CDH12: variants seen among roughly 807,000 people sequenced by gnomAD.
CDH12 encodes cadherin-12.
In CDH12, 41 loss-of-function variants were observed where a neutral mutation model predicts 74.1. The ratio of observed to expected loss-of-function variants is 0.55; its 90% CI spans 0.43 to 0.72. CDH12 has a LOEUF of 0.72. Ranked by LOEUF, CDH12 falls within the 30% of genes least tolerant of loss-of-function variation. The pLI, the probability that CDH12 is intolerant of heterozygous loss-of-function variation, is 0.00. For missense variants in CDH12, 945 were observed against 977.2 expected (o/e 0.97, Z 0.44); for synonymous variants, 399 against 355.0 (o/e 1.12, Z -1.39).
At chr5:21,909,505 G>A (rs765048684) in intron 6 of CDH12, among the ~76,000 whole-genome samples, 33 of 151,886 alleles carry the variant, frequency 2.2e-4, no homozygotes, top group Non-Finnish European at 3.2e-4. Context: ...TTACAATTAG[G>A]ATTAAAAAAA....
intron 10 of CDH12, among the ~76,000 whole-genome samples, chr5:21,789,681 T>C (rs1746386396): frequency 6.6e-6 from 1 of 152,186 alleles, no homozygotes; most frequent in Non-Finnish European, 1.5e-5. Flanking sequence ...TTTCAAAGCT[T>C]TTCTTTACTT....
chr5:22,727,912 T>C (rs1488470614), intron 1 of CDH12, among the ~76,000 whole-genome samples: 1 of 151,772 alleles, frequency 6.6e-6, no homozygotes, highest in Non-Finnish European at 1.5e-5. Flanking sequence ...TGTTTAGCTG[T>C]GAATTTCCTT....
chr5:21,846,303 C>T (rs1027207736), intron 7 of CDH12, among the ~76,000 whole-genome samples: 1 of 152,118 alleles, frequency 6.6e-6, no homozygotes, highest in Non-Finnish European at 1.5e-5. Flanking sequence ...GAAACCCATT[C>T]GGGTGCCCTC....
Position 22,312,826 on chromosome 5 carries a change from T to G in CDH12, c.-333+92431A>C, listed in dbSNP as rs532836838. On this transcript the variant is annotated intron_variant, in intron 3 of 14. Transcript: ENST00000382254. ...GTTTCTTCTCTTTACATCAGATGTA[T>G]GGACATGAATTGGAGAGTTCCACAC... 3.3e-5 allele frequency among the ~76,000 whole-genome samples: 5 copies of G among 152,314 alleles called. No individual in the cohort carries two copies. In the South Asian group the frequency reaches 8.3e-4, roughly 25 times the overall value.
chr5:22,049,005 A>G (rs1056682432), intron 5 of CDH12, among the ~76,000 whole-genome samples: 1 of 152,138 alleles, frequency 6.6e-6, no homozygotes, highest in Non-Finnish European at 1.5e-5. Context: ...TATACATTAT[A>G]AAGTATATAA....
chr5:22,592,087 G>A (rs1051003091), intron 1 of CDH12, among the ~76,000 whole-genome samples: 5 of 152,106 alleles, frequency 3.3e-5, no homozygotes, highest in Admixed American at 6.5e-5. Context: ...TTCACTTCTT[G>A]GATTCTGCAA....
intron 4 of CDH12, among the ~76,000 whole-genome samples, chr5:22,154,483 G>GTACACATATATATGTACACATATA (rs1747876682): frequency 1.5e-3 from 1 of 682 alleles, no homozygotes; most frequent in African/African-American, 3.4e-3. Flanking sequence ...ACATATATAT[G>GTACACATATATATGTACACATATA]TACACATATA....
chr5:22,607,438 G>A (rs983189199), intron 1 of CDH12, among the ~76,000 whole-genome samples: 2 of 152,118 alleles, frequency 1.3e-5, no homozygotes, highest in African/African-American at 2.4e-5. Flanking sequence ...AGAGGCAAAA[G>A]GCACTGCTTC....
Position 22,619,856 on chromosome 5 carries a change from G to A in CDH12, c.-522-114492C>T, listed in dbSNP as rs572697673. Among the ~76,000 whole-genome samples the A allele has an allele frequency of 2.0e-5, 3 of 152,168 alleles. No homozygotes were observed. The South Asian group carries it at 6.2e-4, about 32-fold the overall frequency. ...GTATGATGTACAAGTAAGGCATGAT[G>A]TGTAAGCAAGAAAGCATTTTTTAGT... On this transcript the variant is annotated intron_variant, in intron 1 of 14. Coordinates refer to ENST00000382254, the MANE Select transcript of CDH12 (RefSeq NM_004061.5).
Position 22,222,393 on chromosome 5 carries a change from G to T in CDH12, c.-332-9750C>A, listed in dbSNP as rs75595223. On this transcript the variant is annotated intron_variant, in intron 3 of 14. Coordinates refer to ENST00000382254, the MANE Select transcript of CDH12 (RefSeq NM_004061.5). ...TTCTTCTCTAAAGACCACGAATTAG[G>T]TTCTTGATTTCTGGCAGAAAACACT... Among the ~76,000 whole-genome samples the T allele has an allele frequency of 7.7e-4, 117 of 151,948 alleles. No homozygotes were observed. In the East Asian group the frequency reaches 0.021, roughly 27 times the overall value.
chr5:22,533,205 C>T (rs541810809), intron 1 of CDH12, among the ~76,000 whole-genome samples: 6 of 152,078 alleles, frequency 3.9e-5, no homozygotes, highest in South Asian at 2.1e-4. Flanking sequence ...CATAACTGGA[C>T]GAAGGGCACT....
At chr5:22,825,141 T>C (rs1393821664) in intron 1 of CDH12, among the ~76,000 whole-genome samples, 2 of 152,100 alleles carry the variant, frequency 1.3e-5, no homozygotes, top group African/African-American at 4.8e-5. Context: ...TATTAATGTT[T>C]ACTAGGAGCC....
chr5:22,643,142 T>G, intron 1 of CDH12, among the ~76,000 whole-genome samples: 1 of 152,208 alleles, frequency 6.6e-6, no homozygotes, highest in East Asian at 1.9e-4. Context: ...TGAAAGAGAC[T>G]GCAAATATTT....
chr5:22,279,476 T>C (rs2150405595), intron 3 of CDH12, among the ~76,000 whole-genome samples: 1 of 152,314 alleles, frequency 6.6e-6, no homozygotes, highest in African/African-American at 2.4e-5. Flanking sequence ...GCTGCACCCA[T>C]TAACTCGTCA....
chr5:22,365,060 C>A (rs1210552124), intron 3 of CDH12, among the ~76,000 whole-genome samples: 1 of 152,182 alleles, frequency 6.6e-6, no homozygotes, highest in East Asian at 1.9e-4. Flanking sequence ...TAAGCTCACT[C>A]GACTGCATGA....
Position 22,497,425 on chromosome 5 carries a change from C to T in CDH12, c.-428+7845G>A, listed in dbSNP as rs534111572. Among the ~76,000 whole-genome samples, 126 of 152,150 alleles carry T rather than the reference C, an allele frequency of 8.3e-4. 1 individual carries two copies. The Middle Eastern group carries it at 0.01, about 12-fold the overall frequency. On this transcript the variant is annotated intron_variant, in intron 2 of 14. Transcript: ENST00000382254. ...CACCAATCATCTTGTCTCAACCTTC[C>T]TTCCTTTGCTCACCCGTTATTCTGC...
At chr5:22,666,598 C>T (rs1454120825) in intron 1 of CDH12, among the ~76,000 whole-genome samples, 3 of 151,978 alleles carry the variant, frequency 2.0e-5, no homozygotes, top group South Asian at 2.1e-4. Context: ...CCCTCTCTAT[C>T]TTACCAGTCC....
chr5:22,649,747 G>T (rs2126881966), intron 1 of CDH12, among the ~76,000 whole-genome samples: 1 of 152,000 alleles, frequency 6.6e-6, no homozygotes, highest in East Asian at 1.9e-4. Flanking sequence ...AATCGCTTCA[G>T]AAAAGCTTTT....
intron 6 of CDH12, among the ~76,000 whole-genome samples, chr5:21,862,068 G>T (rs1041421595): frequency 4.6e-5 from 7 of 151,908 alleles, no homozygotes; most frequent in African/African-American, 1.2e-4. Context: ...GTGTGAATGT[G>T]TTTATATCTA....
Sources: gnomAD v4.1 joint callset for allele counts (sites outside exome capture counted in the v4.1 genomes callset) on GRCh38, gnomAD v4.1.1 for gene constraint, MANE v1.5 for transcripts, NCBI Gene and HGNC (gene_info 2026-07-23, HGNC 2026-07-21) for gene names.